ITFG1: variants seen among roughly 807,000 people sequenced by gnomAD.
ITFG1 encodes integrin alpha FG-GAP repeat containing 1.
Under a neutral mutation model 81.8 loss-of-function variants are expected in ITFG1, and 34 were observed. That is an observed-to-expected ratio of 0.42 (90% CI 0.32 to 0.55). The LOEUF (loss-of-function observed/expected upper bound fraction) is 0.55. ITFG1 is among the 20% of genes least tolerant of loss of function. The pLI, the probability that ITFG1 is intolerant of heterozygous loss-of-function variation, is 0.17. For missense variants in ITFG1, 672 were observed against 755.4 expected (o/e 0.89, Z 1.29); for synonymous variants, 285 against 270.6 (o/e 1.05, Z -0.52).
intron 14 of ITFG1, among the ~76,000 whole-genome samples, chr16:47,193,650 C>T (rs1289086892): frequency 6.6e-6 from 1 of 152,162 alleles, no homozygotes; most frequent in East Asian, 1.9e-4. Flanking sequence ...GTTATAATCA[C>T]AGCACTGCAC....
At chr16:47,326,324 C>G (rs1300834666) in intron 8 of ITFG1, among the ~76,000 whole-genome samples, 1 of 152,138 alleles carries the variant, frequency 6.6e-6, no homozygotes, top group Non-Finnish European at 1.5e-5. Flanking sequence ...GGACGTATCT[C>G]AAAATAATAA....
intron 6 of ITFG1, among the ~76,000 whole-genome samples, chr16:47,416,644 TA>T (rs1295438499): frequency 6.6e-6 from 1 of 152,146 alleles, no homozygotes; most frequent in African/African-American, 2.4e-5. Context: ...GCTGATTGTT[TA>T]AAGGAGCCTG....
Position 47,309,512 on chromosome 16 carries a change from GA to G in ITFG1, c.1070+1727del, listed in dbSNP as rs1967224338. On this transcript the variant is annotated intron_variant, in intron 10 of 17. Coordinates refer to ENST00000320640, the MANE Select transcript of ITFG1 (RefSeq NM_030790.5). ...ATATGATTTGTCAAATTTTCCTACA[GA>G]AATGTAACAGCAACTCTAAATAATA... 3.3e-5 allele frequency among the ~76,000 whole-genome samples: 5 copies of G among 152,122 alleles called. No homozygotes were observed. In the South Asian group the frequency reaches 1.0e-3, roughly 32 times the overall value.
intron 10 of ITFG1, among the ~76,000 whole-genome samples, chr16:47,271,032 G>A (rs1489824005): frequency 6.6e-6 from 1 of 152,086 alleles, no homozygotes; most frequent in African/African-American, 2.4e-5. Context: ...AACCTTTAAA[G>A]ATAAGTAATT....
intron 14 of ITFG1, among the ~76,000 whole-genome samples, chr16:47,197,440 G>A (rs566136751): frequency 5.3e-4 from 80 of 152,234 alleles, no homozygotes; most frequent in Non-Finnish European, 7.8e-4. Context: ...CCTACCCTTC[G>A]AGATGTCTTG....
chr16:47,180,353 C>A (rs1249706688), intron 14 of ITFG1, among the ~76,000 whole-genome samples: 1 of 151,106 alleles, frequency 6.6e-6, no homozygotes, highest in Admixed American at 6.6e-5. Flanking sequence ...GGTATTATTG[C>A]CCTCTCCCTC....
At chr16:47,213,218 AT>A (rs1401768137) in intron 14 of ITFG1, among the ~76,000 whole-genome samples, 5 of 152,164 alleles carry the variant, frequency 3.3e-5, no homozygotes, top group Admixed American at 1.3e-4. Flanking sequence ...TACAACAGGA[AT>A]TTCTGTTGTT....
intron 10 of ITFG1, among the ~76,000 whole-genome samples, chr16:47,267,446 G>T (rs1966290090): frequency 6.6e-6 from 1 of 152,068 alleles, no homozygotes; most frequent in African/African-American, 2.4e-5. Context: ...GGAAGAAACA[G>T]ACAAGTTCAC....
At chr16:47,423,718 C>G (rs1265394943) in intron 6 of ITFG1, among the ~76,000 whole-genome samples, 2 of 152,176 alleles carry the variant, frequency 1.3e-5, no homozygotes, top group African/African-American at 4.8e-5. Flanking sequence ...ATATGGGATT[C>G]TGGGTTGAAA....
chr16:47,219,555 C>T (rs1965665632), intron 13 of ITFG1, among the ~76,000 whole-genome samples: 1 of 152,118 alleles, frequency 6.6e-6, no homozygotes. Flanking sequence ...GAAACCAAGG[C>T]TAATTAAATA....
chr16:47,277,098 T>C (rs1313223186), intron 10 of ITFG1, among the ~76,000 whole-genome samples: 1 of 152,206 alleles, frequency 6.6e-6, no homozygotes, highest in East Asian at 1.9e-4. Flanking sequence ...GAGAAGAGCC[T>C]ACTGAATACC....
chr16:47,291,944 T>A (rs1446025353), intron 10 of ITFG1, among the ~76,000 whole-genome samples: 2 of 152,292 alleles, frequency 1.3e-5, no homozygotes, highest in Non-Finnish European at 2.9e-5. Flanking sequence ...CCTTTTCTGG[T>A]AACTGTTGAT....
At chr16:47,441,692 A>C (rs1969253197) in intron 5 of ITFG1, among the ~76,000 whole-genome samples, 1 of 152,160 alleles carries the variant, frequency 6.6e-6, no homozygotes, top group African/African-American at 2.4e-5. Flanking sequence ...AAATAATAAG[A>C]GCTATCTATG....
chr16:47,421,236 A>G (rs1596972435), intron 6 of ITFG1, among the ~76,000 whole-genome samples: 1 of 151,610 alleles, frequency 6.6e-6, no homozygotes, highest in East Asian at 1.9e-4. Context: ...GTGTGTATAT[A>G]TATGTATATA....
intron 10 of ITFG1, among the ~76,000 whole-genome samples, chr16:47,300,664 A>G (rs558972715): frequency 1.6e-4 from 24 of 152,332 alleles, no homozygotes; most frequent in Admixed American, 1.6e-3. Context: ...TTTGGCTTTA[A>G]TGATTCTTAT....
chr16:47,176,560 A>G (rs375165842), intron 14 of ITFG1, among the ~76,000 whole-genome samples: 4 of 152,228 alleles, frequency 2.6e-5, no homozygotes, highest in African/African-American at 7.2e-5. Context: ...TCCTCTTACT[A>G]ACTAGCATGT....
At position 47,417,823 on chromosome 16, in the gene ITFG1, C is replaced by G. The variant is rs1968892906; in HGVS notation, c.655+10981G>C. On this transcript the variant is annotated intron_variant, in intron 6 of 17. Coordinates refer to ENST00000320640, the MANE Select transcript of ITFG1 (RefSeq NM_030790.5). The stretch of plus-strand genomic sequence containing the variant: ...TTCCATATATTGCCTATTTTGAGTA[C>G]TATTGCAATAATCATGGGGGTACAG... Among the ~76,000 whole-genome samples, 4 of 152,202 alleles carry G rather than the reference C, an allele frequency of 2.6e-5. No individual in the cohort carries two copies. In the South Asian group the frequency reaches 8.3e-4, roughly 32 times the overall value.
intron 8 of ITFG1, among the ~76,000 whole-genome samples, chr16:47,340,296 A>G (rs1191983469): frequency 6.6e-6 from 1 of 152,182 alleles, no homozygotes; most frequent in Non-Finnish European, 1.5e-5. Context: ...TATCTGTAAC[A>G]CAACTTTTTA....
chr16:47,187,392 T>C (rs1010823249), intron 14 of ITFG1, among the ~76,000 whole-genome samples: 4 of 151,720 alleles, frequency 2.6e-5, no homozygotes, highest in African/African-American at 9.7e-5. Context: ...CAAAACAGCA[T>C]GGTACTGGTA....
Sources: allele counts gnomAD v4.1 joint callset (sites outside exome capture counted in the v4.1 genomes callset), GRCh38; gene constraint gnomAD v4.1.1; transcripts MANE v1.5; gene names NCBI Gene and HGNC (gene_info 2026-07-23, HGNC 2026-07-21).